MRPL37: variants seen among roughly 807,000 people sequenced by gnomAD.
The protein encoded by MRPL37 is large ribosomal subunit protein mL37.
MRPL37 carries 34 observed loss-of-function variants against 44.1 expected under a neutral mutation model. That is an observed-to-expected ratio of 0.77 (90% CI 0.59 to 1.03). The LOEUF is 1.03. Ranked by LOEUF, MRPL37 falls within the 50% of genes least tolerant of loss-of-function variation. The pLI is 0.00. For synonymous variants in MRPL37, 212 were observed against 219.5 expected (o/e 0.97, Z 0.30); for missense variants, 532 against 543.7 (o/e 0.98, Z 0.21).
chr1:54,206,096 T>G (rs1052282258), intron 3 of MRPL37, among the ~76,000 whole-genome samples: 3 of 151,710 alleles, frequency 2.0e-5, no homozygotes, highest in Admixed American at 2.0e-4. Context: ...TTTTGTTTAT[T>G]TATTTATTTA....
chr1:54,222,120 A>G (rs555658124), downstream of MRPL37, among the ~76,000 whole-genome samples: 2 of 152,246 alleles, frequency 1.3e-5, no homozygotes, highest in Non-Finnish European at 2.9e-5. Context: ...GCACTCATCG[A>G]GCACCTACTG....
chr1:54,200,350 G>A lies in MRPL37; in HGVS notation c.107G>A (p.Arg36His). Residue 36 changes from arginine to histidine, a missense_variant, in exon 1 of 7, where the codon CGC becomes CAC. Physicochemically the swap from Arg to His is conservative, Grantham distance 29 (BLOSUM62 0). Coordinates refer to ENST00000360840, the MANE Select transcript of MRPL37 (RefSeq NM_016491.4). ...PRRGAYEWGV[R>H]STRKSEPPPL... is the part of the protein sequence containing the mutation. ...CGCGGGGCGTATGAGTGGGGCGTGC[G>A]CTCCACGCGGAAGTCGGAGCCTCCT... 1 of 1,614,124 alleles carries A rather than the reference G, an allele frequency of 6.2e-7. No homozygotes were observed. The highest frequency in any genetic ancestry group is 8.5e-7 in the Non-Finnish European group (1 of 1,180,000).
chr1:54,224,235 A>G (rs1281618454), downstream of MRPL37, among the ~76,000 whole-genome samples: 2 of 152,172 alleles, frequency 1.3e-5, no homozygotes, highest in South Asian at 2.1e-4. Context: ...TGCTTTTCCA[A>G]TAGTTCAAAG....
At chr1:54,216,844 G>A (rs552091260) in intron 6 of MRPL37, among the ~76,000 whole-genome samples, 2 of 152,236 alleles carry the variant, frequency 1.3e-5, no homozygotes, top group East Asian at 1.9e-4. Flanking sequence ...ATTGCTGTGC[G>A]TAGAACCTCT....
Position 54,212,593 on chromosome 1 carries a change from C to T in MRPL37, c.925C>T (p.Leu309=). 2 of 1,614,236 alleles carry T rather than the reference C, an allele frequency of 1.2e-6. No individual in the cohort carries two copies. Among genetic ancestry groups the T allele is most frequent in the Non-Finnish European group, 1.7e-6 (2 of 1,180,048 alleles). ...ACCACACCGCCTTCAACCAGATCAG[C>T]TGCGGGCCAAGATGATCCTGTTTGC... ...LRPHRLQPDQ[L]RAKMILFAFG... The change falls in exon 5 of 7, where the codon CTG becomes TTG. Residue 309 remains leucine, a synonymous_variant. Transcript: ENST00000360840.
At chr1:54,218,388 G>A (rs1269979531), downstream of MRPL37, 3 of 1,527,352 alleles carry the variant, frequency 2.0e-6, no homozygotes, top group Non-Finnish European at 2.6e-6. Flanking sequence ...ACTGAAGCCT[G>A]TGTTTGGTAT....
At position 54,212,660 on chromosome 1, in the gene MRPL37, T is replaced by TA. The variant is rs757859888; in HGVS notation, c.990+3dup. 1 of 1,614,026 alleles carries TA rather than the reference T, an allele frequency of 6.2e-7. No homozygotes were observed. Among genetic ancestry groups the TA allele is most frequent in the South Asian group, 1.1e-5 (1 of 91,066 alleles). Reference sequence around the variant, plus strand: ...GCTCAGGCCCGGCTCCTCTATGGGGTATGTAGGTGGAGAAGACCACTGAGT... The same window carrying TA: ...GCTCAGGCCCGGCTCCTCTATGGGGTAATGTAGGTGGAGAAGACCACTGAGT... On this transcript the variant is annotated splice_region_variant and intron_variant, in intron 5 of 6. Transcript: ENST00000360840.
chr1:54,205,155 C>A lies in MRPL37; in HGVS notation c.484C>A (p.Arg162Ser). The part of the protein sequence containing the change: ...ECVLNVISHA[R>S]LWQTTEEIPK... ...CGTTCTGAATGTGATCTCTCACGCCCGTCTCTGGCAGACCACTGAGGAAAT... is the reference window on the plus strand; with the variant it reads ...CGTTCTGAATGTGATCTCTCACGCCAGTCTCTGGCAGACCACTGAGGAAAT... The change falls in exon 2 of 7, where the codon CGT becomes AGT. Residue 162 changes from arginine (R) to serine (S), a missense_variant. Arg to Ser is a moderately radical substitution (Grantham distance 110). Transcript: ENST00000360840. The A allele has an allele frequency of 6.2e-7, 1 of 1,614,130 alleles. No homozygotes were observed. The highest frequency in any genetic ancestry group is 1.1e-5 in the South Asian group (1 of 91,072).
chr1:54,209,178 A>C (rs979074961), intron 3 of MRPL37, among the ~76,000 whole-genome samples: 3 of 152,170 alleles, frequency 2.0e-5, no homozygotes, highest in African/African-American at 7.2e-5. Flanking sequence ...TAACTCTCAC[A>C]CATCTCTGGT....
At chr1:54,224,182 C>G (rs1163127503), downstream of MRPL37, among the ~76,000 whole-genome samples, 2 of 111,180 alleles carry the variant, frequency 1.8e-5, no homozygotes, top group Non-Finnish European at 4.0e-5. Flanking sequence ...ACCATTGATA[C>G]AGGTTAGTCG....
chr1:54,217,865 G>A (rs1644208700), intron 6 of MRPL37, among the ~76,000 whole-genome samples: 1 of 152,304 alleles, frequency 6.6e-6, no homozygotes, highest in Admixed American at 6.5e-5. Flanking sequence ...TGGAATGGGT[G>A]AGGGATGATT....
rs1397593279 is a variant in MRPL37, at chr1:54,200,346, G to T, written c.103G>T (p.Val35Leu). 1 of 1,614,114 alleles carries T rather than the reference G, an allele frequency of 6.2e-7. No individual in the cohort carries two copies. Among genetic ancestry groups the T allele is most frequent in the Admixed American group, 1.7e-5 (1 of 60,030 alleles). Residue 35 changes from valine to leucine, a missense_variant, in exon 1 of 7, where the codon GTG becomes TTG. Val to Leu is a conservative substitution (Grantham distance 32). Transcript: ENST00000360840. ...APRRGAYEWG[V>L]RSTRKSEPPP... ...GAGACGCGGGGCGTATGAGTGGGGC[G>T]TGCGCTCCACGCGGAAGTCGGAGCC...
At chr1:54,220,374 A>G (rs1242394507), downstream of MRPL37, among the ~76,000 whole-genome samples, 4 of 152,120 alleles carry the variant, frequency 2.6e-5, no homozygotes, top group African/African-American at 9.7e-5. Context: ...CTCCCAACCC[A>G]CCCTGAATGA....
At chr1:54,219,601 C>T (rs1644220125), downstream of MRPL37, among the ~76,000 whole-genome samples, 1 of 152,132 alleles carries the variant, frequency 6.6e-6, no homozygotes, top group Non-Finnish European at 1.5e-5. Context: ...CCCTGCTGCC[C>T]ATTTTACTTT....
At chr1:54,200,789 G>A (rs1207791438) in intron 1 of MRPL37, among the ~76,000 whole-genome samples, 200 bp downstream of exon 1, 1 of 152,244 alleles carries the variant, frequency 6.6e-6, no homozygotes, top group Non-Finnish European at 1.5e-5. Context: ...AGGAGTAATA[G>A]AGAGTTTGCG....
chr1:54,208,548 CAA>C (rs57185627), intron 3 of MRPL37, among the ~76,000 whole-genome samples: 1 of 70,956 alleles, frequency 1.4e-5, no homozygotes, highest in Non-Finnish European at 2.4e-5. Flanking sequence ...GACTCCGTCT[CAA>C]AAAAAAAAAA....
chr1:54,215,223 C>CT (rs1355665418), intron 5 of MRPL37, among the ~76,000 whole-genome samples: 1 of 152,200 alleles, frequency 6.6e-6, no homozygotes, highest in Non-Finnish European at 1.5e-5. Context: ...AACAACAGGG[C>CT]TTTCAGTGAC....
chr1:54,212,443 G>T, intron 4 of MRPL37, 58 bp from the exon 5 acceptor site: 1 of 1,590,250 alleles, frequency 6.3e-7, no homozygotes, highest in Non-Finnish European at 8.6e-7. Context: ...CTTTCCTGAG[G>T]CTTTGTGGCA....
chr1:54,204,961 A>G, intron 1 of MRPL37, 57 bp from the exon 2 acceptor site: 1 of 1,568,108 alleles, frequency 6.4e-7, no homozygotes, highest in Non-Finnish European at 8.6e-7. Flanking sequence ...AGGTGTAAGC[A>G]TCTCTTCCTG....
Sources: allele counts gnomAD v4.1 joint callset (sites outside exome capture counted in the v4.1 genomes callset), GRCh38; gene constraint gnomAD v4.1.1; transcripts MANE v1.5; gene names NCBI Gene and HGNC (gene_info 2026-07-23, HGNC 2026-07-21).